SYNE1: variants seen among roughly 807,000 people sequenced by gnomAD.
SYNE1 encodes the protein spectrin repeat containing nuclear envelope protein 1.
SYNE1 carries 616 observed loss-of-function variants against 1,111.0 expected under a neutral mutation model. The observed-to-expected ratio is 0.55, with a 90% CI of 0.52 to 0.59. SYNE1 has a LOEUF of 0.59. SYNE1 is among the 20% of genes least tolerant of loss of function. The pLI is 0.00. For missense variants in SYNE1, 10,006 were observed against 10,417.0 expected (o/e 0.96, Z 1.72); for synonymous variants, 3,855 against 3,825.8 (o/e 1.01, Z -0.28).
At chr6:152,629,543 G>GGGGGGGGGGGGGGGT (rs2099693970) in intron 2 of SYNE1, among the ~76,000 whole-genome samples, 3 of 101,012 alleles carry the variant, frequency 3.0e-5, no homozygotes, top group Non-Finnish European at 6.3e-5. Flanking sequence ...GGGGGAGGGG[G>GGGGGGGGGGGGGGGT]AGGGGAGGAG....
At chr6:152,399,408 G>T (rs536562993) in intron 48 of SYNE1, among the ~76,000 whole-genome samples, 1 of 152,122 alleles carries the variant, frequency 6.6e-6, no homozygotes, top group East Asian at 1.9e-4. Flanking sequence ...GCTTTCTTGG[G>T]AAAAAGAGGA....
At chr6:152,238,598 A>T (rs551037363) in intron 108 of SYNE1, among the ~76,000 whole-genome samples, 2 of 152,288 alleles carry the variant, frequency 1.3e-5, no homozygotes, top group South Asian at 4.1e-4. Context: ...GAAAAAATGC[A>T]AATACGACCT....
intron 112 of SYNE1, 85 bp downstream of exon 112, chr6:152,233,696 T>C (rs1171302287): frequency 6.5e-7 from 1 of 1,528,558 alleles, no homozygotes; most frequent in African/African-American, 1.4e-5. Flanking sequence ...CTGATATAAA[T>C]TTGTGAGCAA....
At chr6:152,498,887 G>A (rs936414174) in intron 10 of SYNE1, 95 bp from the exon 11 acceptor site, 16 of 647,844 alleles carry the variant, frequency 2.5e-5, no homozygotes, top group Non-Finnish European at 3.3e-5. Context: ...AAAGGCATCC[G>A]CCTTTAGAGA....
rs749923028 is a variant in SYNE1, at chr6:152,510,997, C to T, written c.402+14G>A. 1 of 1,610,154 alleles carries T rather than the reference C, an allele frequency of 6.2e-7. No homozygotes were observed. Among genetic ancestry groups the T allele is most frequent in the Non-Finnish European group, 8.5e-7 (1 of 1,176,506 alleles). On this transcript the variant is annotated intron_variant, in intron 7 of 145. Coordinates refer to ENST00000367255, the MANE Select transcript of SYNE1 (RefSeq NM_182961.4). Reference sequence around the variant, plus strand: ...GACATTGCATCAACTGAAAGAGGAACTGTAGCACAATACCTGGAAATATAG... The same window carrying T: ...GACATTGCATCAACTGAAAGAGGAATTGTAGCACAATACCTGGAAATATAG...
At chr6:152,191,405 A>T (rs1288781005) in intron 127 of SYNE1, among the ~76,000 whole-genome samples, 2 of 152,130 alleles carry the variant, frequency 1.3e-5, no homozygotes, top group Non-Finnish European at 2.9e-5. Context: ...CGAAGCCATC[A>T]GGTCCTGGGC....
chr6:152,130,549 C>T (rs2055254684), intron 145 of SYNE1, among the ~76,000 whole-genome samples, 171 bp downstream of exon 145: 1 of 152,208 alleles, frequency 6.6e-6, no homozygotes, highest in Admixed American at 6.5e-5. Context: ...TTTACTTGAA[C>T]ATTTCATTCA....
rs774683772 is a variant in SYNE1 at position 152,284,132 on chromosome 6, T to C, written c.18053A>G (p.Asn6018Ser). 9.9e-6 allele frequency: 16 copies of C among 1,614,206 alleles called. No individual in the cohort carries two copies. Among genetic ancestry groups the C allele is most frequent in the African/African-American group, 1.3e-5 (1 of 75,058 alleles). ...CTCTGCGAGAGAGGACTGGAGCTCA[T>C]TGATTTCATCCTGGAGCATGAGAAT... ...DEILMLQDEI[N>S]ELQSSLAEEL... Residue 6018 changes from asparagine (N) to serine (S), a missense_variant, in exon 96 of 146, where the codon AAT becomes AGT. Asn to Ser is a conservative substitution (Grantham distance 46). This residue lies in a region of SYNE1 where 4,955 missense variants were observed against 5,017.2 expected (regional missense o/e 0.99). Coordinates refer to ENST00000367255, the MANE Select transcript of SYNE1 (RefSeq NM_182961.4).
At chr6:152,321,970 T>C (rs898721147) in intron 82 of SYNE1, 84 bp from the exon 83 acceptor site, 1 of 1,465,136 alleles carries the variant, frequency 6.8e-7, no homozygotes, top group African/African-American at 1.4e-5. Flanking sequence ...AATACATATA[T>C]AGAAATGGGA....
intron 11 of SYNE1, among the ~76,000 whole-genome samples, chr6:152,494,137 G>A (rs973098120): frequency 2.6e-5 from 4 of 152,136 alleles, no homozygotes; most frequent in African/African-American, 4.8e-5. Context: ...GACAGCCACC[G>A]CTTTAATACT....
rs369824071 is a variant in SYNE1 at position 152,359,858 on chromosome 6, C to T, written c.10300-400G>A. Among the ~76,000 whole-genome samples, 203 of 151,838 alleles carry T rather than the reference C, an allele frequency of 1.3e-3. 1 individual carries two copies. Among genetic ancestry groups the T allele is most frequent in the African/African-American group, 4.7e-3 (193 of 41,346 alleles). On this transcript the variant is annotated intron_variant, in intron 64 of 145. Transcript: ENST00000367255. The stretch of plus-strand genomic sequence containing the variant: ...CAAATGCCATGACCTCCCACCCAGA[C>T]GGTCAACCCAGAACATGGGAATTGT...
chr6:152,471,958 T>G, intron 15 of SYNE1, 193 bp from the exon 16 acceptor site: 1 of 629,796 alleles, frequency 1.6e-6, no homozygotes, highest in Non-Finnish European at 2.7e-6. Context: ...ATTGAAGTCT[T>G]CGATTTAGTT....
chr6:152,549,303 A>T (rs559547712), intron 3 of SYNE1, among the ~76,000 whole-genome samples: 21 of 152,348 alleles, frequency 1.4e-4, no homozygotes, highest in Non-Finnish European at 2.4e-4. Context: ...ATGTGTCCTT[A>T]TGAAACCATC....
chr6:152,122,487 G>C lies in SYNE1; in HGVS notation c.26343C>G (p.Ala8781=), dbSNP rs1290617659. The C allele has an allele frequency of 6.2e-7, 1 of 1,614,170 alleles. No homozygotes were observed. Among genetic ancestry groups the C allele is most frequent in the South Asian group, 1.1e-5 (1 of 91,082 alleles). Residue 8781 remains alanine, a synonymous_variant, in exon 146 of 146, where the codon GCC becomes GCG. Transcript: ENST00000367255. ...ATCTGAGCATGGGGTGGAATGACCGGGCAAAGTTGTTGGAGAGGGCACAGC... is the reference window on the plus strand; with the variant it reads ...ATCTGAGCATGGGGTGGAATGACCGCGCAAAGTTGTTGGAGAGGGCACAGC... The part of the protein sequence containing the change: ...DYSCALSNNF[A]RSFHPMLRYT...
chr6:152,497,410 T>A (rs190937387), intron 11 of SYNE1, among the ~76,000 whole-genome samples: 3 of 152,184 alleles, frequency 2.0e-5, no homozygotes, highest in Non-Finnish European at 4.4e-5. Context: ...CAGAAAAGCA[T>A]TGATACCACA....
chr6:152,485,758 G>A (rs903385477), intron 12 of SYNE1, among the ~76,000 whole-genome samples: 1 of 152,102 alleles, frequency 6.6e-6, no homozygotes, highest in African/African-American at 2.4e-5. Flanking sequence ...CCCCACAAAA[G>A]TTAGCAGATA....
chr6:152,317,665 T>C (rs1308146284), intron 86 of SYNE1, among the ~76,000 whole-genome samples: 1 of 152,200 alleles, frequency 6.6e-6, no homozygotes, highest in Non-Finnish European at 1.5e-5. Context: ...AAGTCTAGTC[T>C]ATATGCAACA....
At chr6:152,311,024 G>T in intron 87 of SYNE1, 151 bp from the exon 88 acceptor site, 1 of 743,110 alleles carries the variant, frequency 1.3e-6, no homozygotes, top group Non-Finnish European at 2.3e-6. Flanking sequence ...CTACTTGGTA[G>T]CCACTTACTA....
intron 145 of SYNE1, among the ~76,000 whole-genome samples, chr6:152,129,995 A>G (rs1334909505): frequency 6.6e-6 from 1 of 152,196 alleles, no homozygotes; most frequent in Non-Finnish European, 1.5e-5. Flanking sequence ...AAGGCAAAGC[A>G]CTGCTAACTG....
Sources: gnomAD v4.1 joint callset for allele counts (sites outside exome capture counted in the v4.1 genomes callset) on GRCh38, gnomAD v4.1.1 for gene constraint, gnomAD v4.1.1 regional missense constraint, MANE v1.5 for transcripts, NCBI Gene and HGNC (gene_info 2026-07-23, HGNC 2026-07-21) for gene names.